GPR158: variants seen among roughly 807,000 people sequenced by gnomAD.
GPR158 encodes metabotropic glycine receptor.
GPR158 carries 30 observed loss-of-function variants against 78.2 expected under a neutral mutation model. The observed-to-expected ratio is 0.38, with a 90% CI of 0.29 to 0.52. The LOEUF (loss-of-function observed/expected upper bound fraction) is 0.52. GPR158 is among the 20% of genes least tolerant of loss of function. The pLI is 0.83. For synonymous variants in GPR158, 581 were observed against 591.1 expected (o/e 0.98, Z 0.25); for missense variants, 1,463 against 1,523.5 (o/e 0.96, Z 0.66).
intron 1 of GPR158, among the ~76,000 whole-genome samples, chr10:25,206,252 G>A (rs554277555): frequency 2.0e-5 from 3 of 152,238 alleles, no homozygotes; most frequent in South Asian, 2.1e-4. Context: ...CTCCCAAAGT[G>A]CTGGGATTAC....
intron 4 of GPR158, among the ~76,000 whole-genome samples, chr10:25,420,852 G>A (rs1401391627): frequency 6.6e-6 from 1 of 152,082 alleles, no homozygotes; most frequent in East Asian, 1.9e-4. Context: ...GTACTACATT[G>A]TTTTGATTAC....
intron 5 of GPR158, among the ~76,000 whole-genome samples, chr10:25,535,411 C>T (rs569832970): frequency 6.6e-6 from 1 of 152,330 alleles, no homozygotes; most frequent in African/African-American, 2.4e-5. Context: ...TGAGAATGGC[C>T]TCCAACCCAC....
chr10:25,220,992 A>G, intron 1 of GPR158, 60 bp from the exon 2 acceptor site: 1 of 985,468 alleles, frequency 1.0e-6, no homozygotes, highest in Non-Finnish European at 1.5e-6. Flanking sequence ...CAAGCTTAAA[A>G]TACAGAGAAA....
intron 2 of GPR158, 104 bp from the exon 3 acceptor site, chr10:25,395,807 A>G (rs561261494): frequency 1.5e-3 from 786 of 533,822 alleles, no homozygotes; most frequent in Non-Finnish European, 2.4e-3. Flanking sequence ...TTTCTGGAAA[A>G]TGTGTTAGTT....
At chr10:25,434,964 A>C (rs960281195) in intron 4 of GPR158, among the ~76,000 whole-genome samples, 14 of 152,170 alleles carry the variant, frequency 9.2e-5, no homozygotes, top group Non-Finnish European at 1.8e-4. Context: ...GAGAGCACAC[A>C]TACATTCTGA....
At chr10:25,246,625 G>GT (rs1199398286) in intron 2 of GPR158, among the ~76,000 whole-genome samples, 1 of 152,192 alleles carries the variant, frequency 6.6e-6, no homozygotes, top group African/African-American at 2.4e-5. Context: ...CGTTTCATTG[G>GT]TGGTGGGGAT....
chr10:25,222,666 C>T (rs1853314987), intron 2 of GPR158, among the ~76,000 whole-genome samples: 1 of 152,172 alleles, frequency 6.6e-6, no homozygotes, highest in African/African-American at 2.4e-5. Flanking sequence ...TGATTATCAT[C>T]TCTGTGCCAA....
At chr10:25,343,073 C>A (rs1015091791) in intron 2 of GPR158, among the ~76,000 whole-genome samples, 21 of 152,000 alleles carry the variant, frequency 1.4e-4, no homozygotes, top group African/African-American at 3.9e-4. Context: ...AGCAAACTTC[C>A]TAGTGAGGTT....
rs111919496 is a variant in GPR158, at chr10:25,193,885, T to TAAA, written c.902+17578_902+17580dup. ...CTGAAATATTTGAAAGGTAAAGGGG[T>TAAA]AAAAAAAAAAAAAAAAAGAAAATTC... On this transcript the variant is annotated intron_variant, in intron 1 of 10. Coordinates refer to ENST00000376351, the MANE Select transcript of GPR158 (RefSeq NM_020752.3). Among the ~76,000 whole-genome samples the TAAA allele has an allele frequency of 1.0e-3, 118 of 115,686 alleles. 4 individuals carry two copies. The highest frequency in any genetic ancestry group is 3.3e-3 in the African/African-American group (115 of 34,990). The allele number at this position is 115,686 out of a possible 152,430, so 75.9% of individuals were successfully genotyped here.
intron 2 of GPR158, among the ~76,000 whole-genome samples, chr10:25,367,616 C>T (rs1855743147): frequency 6.6e-6 from 1 of 151,348 alleles, no homozygotes; most frequent in South Asian, 2.1e-4. Flanking sequence ...AATATCCTTC[C>T]ATTCATATTT....
chr10:25,575,004 T>G (rs1257309850), intron 7 of GPR158, among the ~76,000 whole-genome samples: 4 of 151,344 alleles, frequency 2.6e-5, no homozygotes, highest in Non-Finnish European at 1.5e-5. Flanking sequence ...AAGGTGGAGA[T>G]TGCAGTGAGC....
At chr10:25,523,999 A>T (rs1176379122) in intron 5 of GPR158, among the ~76,000 whole-genome samples, 1 of 152,238 alleles carries the variant, frequency 6.6e-6, no homozygotes, top group Non-Finnish European at 1.5e-5. Flanking sequence ...ATACGAGATC[A>T]GAATATAAAA....
At chr10:25,596,483 GTC>G (rs958354657) in intron 9 of GPR158, among the ~76,000 whole-genome samples, 158 bp from the exon 10 acceptor site, 8 of 151,632 alleles carry the variant, frequency 5.3e-5, no homozygotes, top group South Asian at 2.1e-4. Context: ...GTCTGTCTGT[GTC>G]TCTCTCTCTC....
intron 4 of GPR158, among the ~76,000 whole-genome samples, chr10:25,452,254 C>T (rs1355109971): frequency 5.9e-5 from 9 of 152,036 alleles, no homozygotes. Context: ...TTGCATTGCC[C>T]AGGCTGGTCT....
chr10:25,348,396 G>GACACAC (rs34088676), intron 2 of GPR158, among the ~76,000 whole-genome samples: 5,420 of 141,704 alleles, frequency 0.038, 147 homozygotes, highest in African/African-American at 0.075. Flanking sequence ...TAGGAAGAAA[G>GACACAC]ACACACACAC....
intron 5 of GPR158, among the ~76,000 whole-genome samples, chr10:25,515,714 G>T (rs1475086630): frequency 6.8e-6 from 1 of 147,252 alleles, no homozygotes; most frequent in Non-Finnish European, 1.5e-5. Flanking sequence ...CTTTTTTATG[G>T]CTGCATAGTA....
At chr10:25,580,933 T>A (rs1292104295) in intron 7 of GPR158, among the ~76,000 whole-genome samples, 1 of 146,548 alleles carries the variant, frequency 6.8e-6, no homozygotes, top group African/African-American at 2.5e-5. Flanking sequence ...ATTTTATTTT[T>A]TTGAGACGGA....
intron 2 of GPR158, among the ~76,000 whole-genome samples, chr10:25,327,966 A>G (rs1200332476): frequency 6.6e-6 from 1 of 152,224 alleles, no homozygotes; most frequent in African/African-American, 2.4e-5. Context: ...AGCTTAACTT[A>G]ATGGTTTGGT....
intron 2 of GPR158, among the ~76,000 whole-genome samples, chr10:25,355,043 G>A (rs1855529728): frequency 6.6e-6 from 1 of 151,952 alleles, no homozygotes; most frequent in African/African-American, 2.4e-5. Context: ...GTCTTATTTG[G>A]ATTAAATCTG....
Sources: allele counts gnomAD v4.1 joint callset (sites outside exome capture counted in the v4.1 genomes callset), GRCh38; gene constraint gnomAD v4.1.1; transcripts MANE v1.5; gene names NCBI Gene and HGNC (gene_info 2026-07-23, HGNC 2026-07-21).